The following KCNK10 variants were observed in gnomAD, a reference collection of about 807,000 sequenced individuals.
KCNK10 encodes potassium two pore domain channel subfamily K member 10.
KCNK10 carries 25 observed loss-of-function variants against 47.7 expected under a neutral mutation model. The observed-to-expected ratio is 0.52, with a 90% CI of 0.38 to 0.73. The LOEUF (loss-of-function observed/expected upper bound fraction) is 0.73. Ranked by LOEUF, KCNK10 falls within the 30% of genes least tolerant of loss-of-function variation. The probability of loss-of-function intolerance (pLI) is 0.00; values close to 1 mark genes in which losing one functional copy is unlikely to be tolerated. For synonymous variants in KCNK10, 303 were observed against 285.6 expected (o/e 1.06, Z -0.61); for missense variants, 563 against 714.5 (o/e 0.79, Z 2.42).
intron 1 of KCNK10, among the ~76,000 whole-genome samples, chr14:88,279,364 CGT>C (rs58319931): frequency 0.19 from 26,176 of 137,244 alleles, 2,382 homozygotes; most frequent in Admixed American, 0.25. Flanking sequence ...TTGCCAGATA[CGT>C]GTGTGTGTGT....
At chr14:88,239,629 C>T (rs145605437) in intron 3 of KCNK10, among the ~76,000 whole-genome samples, 1,863 of 152,172 alleles carry the variant, frequency 0.012, 20 homozygotes, top group Middle Eastern at 0.054. Context: ...GAGGCTGAGG[C>T]GGGCAGATCA....
intron 4 of KCNK10, among the ~76,000 whole-genome samples, chr14:88,204,072 C>T (rs1885187309): frequency 6.6e-6 from 1 of 152,112 alleles, no homozygotes; most frequent in Admixed American, 6.5e-5. Flanking sequence ...CTTTGCACTC[C>T]CCTGCATTTT....
chr14:88,218,066 C>G (rs1282237286), intron 4 of KCNK10, among the ~76,000 whole-genome samples: 2 of 152,008 alleles, frequency 1.3e-5, no homozygotes, highest in Non-Finnish European at 2.9e-5. Context: ...ACTATGTTGC[C>G]CAGGCTGGTC....
Position 88,185,157 on chromosome 14 carries a change from C to T in KCNK10, c.*378G>A, listed in dbSNP as rs1213211805. On this transcript the variant is annotated 3_prime_UTR_variant, in exon 7 of 7. Transcript: ENST00000319231. The surrounding 1 kb of genome is among the most constrained non-coding windows in gnomAD (Gnocchi z 4.3). ...TGTGTGTGCACATATTACTACGACT[C>T]CACTAAAAAGACACACCTGTTTCTT... 1 of 221,270 alleles carries T rather than the reference C, an allele frequency of 4.5e-6. No individual in the cohort carries two copies. Among genetic ancestry groups the T allele is most frequent in the Non-Finnish European group, 9.0e-6 (1 of 110,782 alleles). The allele number at this position is 221,270 out of a possible 1,614,324, so 13.7% of individuals were successfully genotyped here.
intron 2 of KCNK10, among the ~76,000 whole-genome samples, chr14:88,249,582 T>TAG (rs1290385145): frequency 6.6e-6 from 1 of 152,126 alleles, no homozygotes; most frequent in African/African-American, 2.4e-5. Context: ...TCCACTAGAG[T>TAG]AGAGCATCAT....
chr14:88,210,609 C>G (rs1885423657), intron 4 of KCNK10, among the ~76,000 whole-genome samples: 1 of 151,968 alleles, frequency 6.6e-6, no homozygotes. Flanking sequence ...CGCACAGGGC[C>G]CAAGCTGACG....
chr14:88,281,506 A>G (rs1887648086), intron 1 of KCNK10, among the ~76,000 whole-genome samples: 1 of 152,064 alleles, frequency 6.6e-6, no homozygotes, highest in South Asian at 2.1e-4. Flanking sequence ...TCCCCTGAGT[A>G]AGAGAGAATT....
rs773842237 is a variant in KCNK10 at position 88,185,506 on chromosome 14, G to A, written c.*29C>T. The A allele has an allele frequency of 6.3e-6, 10 of 1,576,732 alleles. No individual in the cohort carries two copies. In the Admixed American group the frequency reaches 6.9e-5, roughly 11 times the overall value. ...AAACACACACACACACACACACAACGCTCAGTCCAAGACCAATGTCCTTCA... is the reference window on the plus strand; with the variant it reads ...AAACACACACACACACACACACAACACTCAGTCCAAGACCAATGTCCTTCA... On this transcript the variant is annotated 3_prime_UTR_variant, in exon 7 of 7. Transcript: ENST00000319231. This position sits in a 1 kb window ranked among gnomAD's most constrained non-coding sequence, Gnocchi z 4.3.
intron 1 of KCNK10, among the ~76,000 whole-genome samples, chr14:88,309,102 T>G (rs979742083): frequency 1.3e-5 from 2 of 152,194 alleles, no homozygotes; most frequent in African/African-American, 2.4e-5. Context: ...CCTACAACAG[T>G]GCCTGTCACG....
Position 88,254,481 on chromosome 14 carries a change from A to G in KCNK10, c.402+8721T>C, listed in dbSNP as rs189121870. 3.2e-3 allele frequency among the ~76,000 whole-genome samples: 494 copies of G among 152,298 alleles called. 2 individuals are homozygous for G. The highest frequency in any genetic ancestry group is 4.9e-3 in the Non-Finnish European group (333 of 68,026). ...CCCTGAAGACACTCAAAATCTTCAA[A>G]CATCTGGGAAACATCAGAATTCATA... is the stretch of plus-strand genomic sequence containing the variant. On this transcript the variant is annotated intron_variant, in intron 2 of 6. Transcript: ENST00000319231.
chr14:88,266,245 G>C (rs115860726), intron 1 of KCNK10, among the ~76,000 whole-genome samples: 1,561 of 152,322 alleles, frequency 0.01, 27 homozygotes, highest in African/African-American at 0.036. Context: ...GATGAGCAGC[G>C]TCAAATGGCA....
At chr14:88,300,683 C>T (rs184436636) in intron 1 of KCNK10, among the ~76,000 whole-genome samples, 26 of 152,234 alleles carry the variant, frequency 1.7e-4, no homozygotes, top group Admixed American at 1.6e-3. Context: ...ATGAACCTGG[C>T]TCATCATAAG....
chr14:88,192,491 T>C, intron 4 of KCNK10, 81 bp from the exon 5 acceptor site: 1 of 1,224,246 alleles, frequency 8.2e-7, no homozygotes, highest in Non-Finnish European at 1.2e-6. Flanking sequence ...AAAACGGTAC[T>C]GTGTCAGTGA....
intron 1 of KCNK10, among the ~76,000 whole-genome samples, chr14:88,288,612 G>C (rs1035392405): frequency 6.6e-6 from 1 of 152,142 alleles, no homozygotes; most frequent in Non-Finnish European, 1.5e-5. Context: ...AAACCTTCCA[G>C]AGGGTTCCCA....
chr14:88,216,022 GT>G (rs1452872829), intron 4 of KCNK10, among the ~76,000 whole-genome samples: 1 of 152,168 alleles, frequency 6.6e-6, no homozygotes, highest in Non-Finnish European at 1.5e-5. Context: ...GTCCCTATGG[GT>G]CAGTTAAAGT....
chr14:88,291,634 A>G (rs1887879744), intron 1 of KCNK10, among the ~76,000 whole-genome samples: 1 of 152,164 alleles, frequency 6.6e-6, no homozygotes, highest in African/African-American at 2.4e-5. Flanking sequence ...AGGTAGGGGC[A>G]TGAGAGATTT....
chr14:88,185,808 C>A lies in KCNK10; in HGVS notation c.1359G>T (p.Gly453=). ...TCCTCTTGGTGAGTCTGGAGGTGGA[C>A]CCGAACTTGTTGATGATGTTGTCCT... ...ASEDNIINKF[G]STSRLTKRKN... Residue 453 remains glycine (G), a synonymous_variant, in exon 7 of 7, where the codon GGG becomes GGT. Transcript: ENST00000319231. This position sits in a 1 kb window ranked among gnomAD's most constrained non-coding sequence, Gnocchi z 4.3. The A allele has an allele frequency of 6.2e-7, 1 of 1,614,168 alleles. No individual in the cohort carries two copies. Among genetic ancestry groups the A allele is most frequent in the Non-Finnish European group, 8.5e-7 (1 of 1,180,034 alleles).
At chr14:88,200,140 CTTCCTTTCTTCT>C (rs1227835169) in intron 4 of KCNK10, among the ~76,000 whole-genome samples, 2 of 146,420 alleles carry the variant, frequency 1.4e-5, no homozygotes, top group African/African-American at 5.1e-5. Flanking sequence ...TCTTTCTTTC[CTTCCTTTCTTCT>C]TTCCTTCCTT....
At chr14:88,233,048 C>T (rs1886199334) in intron 3 of KCNK10, among the ~76,000 whole-genome samples, 1 of 152,244 alleles carries the variant, frequency 6.6e-6, no homozygotes, top group African/African-American at 2.4e-5. Flanking sequence ...AGGATATTCA[C>T]TGGCCCTGCA....
Sources: gnomAD v4.1 joint callset for allele counts (sites outside exome capture counted in the v4.1 genomes callset) on GRCh38, gnomAD v4.1.1 for gene constraint, Gnocchi (gnomAD v3.1) non-coding constraint, MANE v1.5 for transcripts, NCBI Gene and HGNC (gene_info 2026-07-23, HGNC 2026-07-21) for gene names.